RNF19A: variants seen among roughly 807,000 people sequenced by gnomAD.
The protein encoded by RNF19A is ring finger protein 19A, RBR E3 ubiquitin protein ligase.
In RNF19A, 32 loss-of-function variants were observed where a neutral mutation model predicts 75.7. That is an observed-to-expected ratio of 0.42 (90% CI 0.32 to 0.57). The LOEUF is 0.57. Among genes scored for constraint, RNF19A ranks in the 20% least tolerant of loss-of-function variants. The pLI is 0.10. For missense variants in RNF19A, 782 were observed against 1,036.3 expected (o/e 0.75, Z 3.37); for synonymous variants, 335 against 345.2 (o/e 0.97, Z 0.33).
At position 100,331,342 on chromosome 8, in the gene RNF19A, A is replaced by G. The variant is rs1822607779; in HGVS notation, c.-243+4766T>C. Among the ~76,000 whole-genome samples the G allele has an allele frequency of 6.6e-6, 1 of 152,208 alleles. No homozygotes were observed. The highest frequency in any genetic ancestry group is 2.1e-4 in the South Asian group (1 of 4,834). Reference sequence around the variant, plus strand: ...TTCAAGACATCTTATTTAGAACAGAAAAACAGATATAGGCCAGGTATGGTG... The same window carrying G: ...TTCAAGACATCTTATTTAGAACAGAGAAACAGATATAGGCCAGGTATGGTG... On this transcript the variant is annotated intron_variant, in intron 1 of 3. Coordinates refer to the RNF19A transcript ENST00000519527. The surrounding 1 kb of genome is among the most constrained non-coding windows in gnomAD (Gnocchi z 5.2).
chr8:100,292,924 C>G lies in RNF19A; in HGVS notation c.-93-4657G>C, dbSNP rs543572612. ...TTCAATCTTTCTTGTGCAGCGGTGC[C>G]CAAACTTTTTGGTACCAGGACCAAT... On this transcript the variant is annotated intron_variant, in intron 1 of 9. Coordinates refer to ENST00000341084, the MANE Select transcript of RNF19A (RefSeq NM_183419.4). Among the ~76,000 whole-genome samples the G allele has an allele frequency of 2.6e-5, 4 of 152,150 alleles. No homozygotes were observed. In the South Asian group the frequency reaches 8.3e-4, roughly 32 times the overall value.
chr8:100,288,333 A>G, intron 1 of RNF19A, 66 bp from the exon 2 acceptor site: 10 of 1,085,996 alleles, frequency 9.2e-6, no homozygotes, highest in Non-Finnish European at 9.7e-6. Flanking sequence ...TATTTTTATA[A>G]ATATGAAATT....
intron 1 of RNF19A, among the ~76,000 whole-genome samples, chr8:100,318,762 A>T (rs1159072254): frequency 6.6e-6 from 1 of 152,246 alleles, no homozygotes; most frequent in Non-Finnish European, 1.5e-5. Context: ...AAGAACACTC[A>T]CTACCGGATT....
chr8:100,315,428 C>T (rs556460630), intron 1 of RNF19A, among the ~76,000 whole-genome samples: 2 of 152,166 alleles, frequency 1.3e-5, no homozygotes, highest in South Asian at 4.1e-4. Flanking sequence ...TGAATGGGAG[C>T]TTGGGGGCTT....
chr8:100,290,749 A>G (rs912359363), intron 1 of RNF19A, among the ~76,000 whole-genome samples: 4 of 152,242 alleles, frequency 2.6e-5, no homozygotes, highest in Non-Finnish European at 5.9e-5. Context: ...GCACACTTAC[A>G]CAAACCTAGA....
intron 1 of RNF19A, among the ~76,000 whole-genome samples, chr8:100,295,720 A>G (rs1213133579): frequency 3.3e-5 from 5 of 152,216 alleles, no homozygotes; most frequent in African/African-American, 1.2e-4. Context: ...TGATCAGACT[A>G]TAACTTAAAG....
At chr8:100,288,486 T>A (rs186664481) in intron 1 of RNF19A, among the ~76,000 whole-genome samples, 26 of 152,312 alleles carry the variant, frequency 1.7e-4, no homozygotes, top group Admixed American at 9.8e-4. Flanking sequence ...GATTCTAGAT[T>A]TGAGCTGACC....
intron 1 of RNF19A, among the ~76,000 whole-genome samples, chr8:100,289,598 C>T (rs970316203): frequency 3.3e-5 from 5 of 152,156 alleles, no homozygotes; most frequent in African/African-American, 7.2e-5. Flanking sequence ...CATTCAGAGA[C>T]AACACACCTA....
chr8:100,311,058 TG>T (rs1180413456), upstream of RNF19A, among the ~76,000 whole-genome samples: 1 of 152,258 alleles, frequency 6.6e-6, no homozygotes, highest in East Asian at 1.9e-4. Flanking sequence ...ATTTGCCATC[TG>T]TTACTTAACT....
chr8:100,317,591 T>A lies in RNF19A; in HGVS notation c.-242-4219A>T, dbSNP rs1822403340. On this transcript the variant is annotated intron_variant, in intron 1 of 3. Transcript: ENST00000519527. The surrounding 1 kb of genome is among the most constrained non-coding windows in gnomAD (Gnocchi z 4.3). ...CCCATTTGCCTACTCCAGTCTTTCT[T>A]GGTTCCCTTCCCTGTTTGACTGACT... is the stretch of plus-strand genomic sequence containing the variant. Among the ~76,000 whole-genome samples, 1 of 152,210 alleles carries A rather than the reference T, an allele frequency of 6.6e-6. No individual in the cohort carries two copies. The highest frequency in any genetic ancestry group is 2.1e-4 in the South Asian group (1 of 4,836).
chr8:100,264,787 T>C lies in RNF19A; in HGVS notation c.1192-2A>G. 1 of 1,605,890 alleles carries C rather than the reference T, an allele frequency of 6.2e-7. No homozygotes were observed. Among genetic ancestry groups the C allele is most frequent in the Non-Finnish European group, 8.5e-7 (1 of 1,173,196 alleles). ...CTTGCCTTCATAGCGATTGTGAATC[T>C]TGAATTAATAAAAATAGGGGTGGGG... On this transcript the variant is annotated splice_acceptor_variant, in intron 5 of 9. Transcript: ENST00000341084. LOFTEE classifies it high-confidence loss of function. The surrounding 1 kb of genome is among the most constrained non-coding windows in gnomAD (Gnocchi z 4.7).
chr8:100,289,150 T>TA (rs1011442301), intron 1 of RNF19A, among the ~76,000 whole-genome samples: 36 of 151,906 alleles, frequency 2.4e-4, no homozygotes, highest in African/African-American at 8.7e-4. Context: ...AAATGGCCTT[T>TA]AAAAAAAGAA....
At chr8:100,272,250 C>T (rs954502676) in intron 3 of RNF19A, among the ~76,000 whole-genome samples, 9 of 152,090 alleles carry the variant, frequency 5.9e-5, no homozygotes, top group African/African-American at 1.9e-4. Context: ...CAAGTGGATG[C>T]AGTGCTGTCA....
chr8:100,318,247 A>G (rs1822411927), intron 1 of RNF19A, among the ~76,000 whole-genome samples: 1 of 152,182 alleles, frequency 6.6e-6, no homozygotes, highest in Admixed American at 6.5e-5. Flanking sequence ...TGTGGAACTG[A>G]CAGTATTTCC....
At chr8:100,286,519 T>C (rs1297313446) in intron 2 of RNF19A, among the ~76,000 whole-genome samples, 3 of 152,252 alleles carry the variant, frequency 2.0e-5, no homozygotes, top group African/African-American at 7.2e-5. Context: ...AATTGGGATT[T>C]GCACAGGCAG....
chr8:100,269,999 G>A lies in RNF19A; in HGVS notation c.898C>T (p.Pro300Ser), dbSNP rs759511339. The A allele has an allele frequency of 2.9e-5, 46 of 1,590,860 alleles. No homozygotes were observed. The highest frequency in any genetic ancestry group is 3.7e-5 in the Non-Finnish European group (43 of 1,169,814). The change falls in exon 4 of 10, where the codon CCA (proline) becomes TCA (serine). Residue 300 changes from proline (P) to serine (S), a missense_variant. Around this residue, in one of 7 missense-constraint regions of RNF19A, gnomAD observed 31 missense variants for 48.8 expected, o/e 0.64. Coordinates refer to ENST00000341084, the MANE Select transcript of RNF19A (RefSeq NM_183419.4). This position sits in a 1 kb window ranked among gnomAD's most constrained non-coding sequence, Gnocchi z 5.7. Reference sequence around the variant, plus strand: ...ATATAAGCAGCACATCGTGGACATGGCTTTATATCATCAGCTATTGGGAAC... The same window carrying A: ...ATATAAGCAGCACATCGTGGACATGACTTTATATCATCAGCTATTGGGAAC... Reference protein sequence around the residue: ...ESGAAADDIKPCPRCAAYIIK... With the variant: ...ESGAAADDIKSCPRCAAYIIK...
upstream of RNF19A, among the ~76,000 whole-genome samples, chr8:100,314,070 C>T (rs1052708202): frequency 2.0e-5 from 3 of 151,582 alleles, no homozygotes; most frequent in Non-Finnish European, 4.4e-5. This position sits in a 1 kb window ranked among gnomAD's most constrained non-coding sequence, Gnocchi z 4.1. Flanking sequence ...TTTGTAGAGA[C>T]GAGGTTTTGC....
rs560889585 is a variant in RNF19A, at chr8:100,284,783, G to A, written c.674+2718C>T. 1.3e-5 allele frequency among the ~76,000 whole-genome samples: 2 copies of A among 152,066 alleles called. No individual in the cohort carries two copies. The highest frequency in any genetic ancestry group is 4.1e-4 in the South Asian group (2 of 4,820). ...ATTAAGAAATATCACATATAAAAAA[G>A]GTTTATAAAGAATAGTAAAATAATA... On this transcript the variant is annotated intron_variant, in intron 2 of 9. Coordinates refer to ENST00000341084, the MANE Select transcript of RNF19A (RefSeq NM_183419.4). The surrounding 1 kb of genome is among the most constrained non-coding windows in gnomAD (Gnocchi z 4.3).
chr8:100,277,922 G>A (rs1820601991), intron 2 of RNF19A, among the ~76,000 whole-genome samples: 1 of 152,194 alleles, frequency 6.6e-6, no homozygotes, highest in Admixed American at 6.5e-5. Flanking sequence ...AAGGAAGGAA[G>A]AAGGAAAGAG....
Sources: gnomAD v4.1 joint callset for allele counts (sites outside exome capture counted in the v4.1 genomes callset) on GRCh38, gnomAD v4.1.1 for gene constraint, gnomAD v4.1.1 regional missense constraint, Gnocchi (gnomAD v3.1) non-coding constraint, MANE v1.5 for transcripts, NCBI Gene and HGNC (gene_info 2026-07-23, HGNC 2026-07-21) for gene names.